The following UGT1A9 variants were observed in gnomAD, a reference collection of about 807,000 sequenced individuals.
UGT1A9 encodes the protein UDP glucuronosyltransferase family 1 member A9.
UGT1A9 carries 35 observed loss-of-function variants against 45.0 expected under a neutral mutation model. The observed-to-expected ratio is 0.78, with a 90% CI of 0.59 to 1.03. The LOEUF is 1.03. Ranked by LOEUF, UGT1A9 falls within the 50% of genes least tolerant of loss-of-function variation. The pLI is 0.00. For synonymous variants in UGT1A9, 278 were observed against 250.6 expected, an observed-to-expected ratio of 1.11 and a Z score of -1.03; for missense variants, 687 against 666.6, an observed-to-expected ratio of 1.03 and a Z score of -0.34.
chr2:233,729,412 C>T, intron 1 of UGT1A9: 2 of 1,613,700 alleles, frequency 1.2e-6, no homozygotes, highest in Non-Finnish European at 1.7e-6. Flanking sequence ...TGTGCTGGGC[C>T]ACACTCAACT....
chr2:233,746,554 C>T (rs567530423), intron 1 of UGT1A9, among the ~76,000 whole-genome samples: 1 of 151,860 alleles, frequency 6.6e-6, no homozygotes, highest in South Asian at 2.1e-4. Flanking sequence ...ACTTCTTAGC[C>T]CCTAGAGCAC....
At chr2:233,702,369 G>T (rs116955810) in intron 1 of UGT1A9, among the ~76,000 whole-genome samples, 2 of 151,858 alleles carry the variant, frequency 1.3e-5, no homozygotes, top group African/African-American at 2.4e-5. Flanking sequence ...AGTGGATTTC[G>T]TAGGATTTTC....
intron 1 of UGT1A9, among the ~76,000 whole-genome samples, chr2:233,673,558 T>C (rs976174628): frequency 1.3e-5 from 2 of 152,052 alleles, no homozygotes; most frequent in African/African-American, 4.8e-5. Flanking sequence ...TGGCATTTTT[T>C]TGCTATTGTG....
In UGT1A9 at chr2:233,769,399, A is replaced by G. The variant is rs1699854887; in HGVS notation, c.1295+960A>G. The G allele has an allele frequency of 1.7e-6, 2 of 1,170,288 alleles. No homozygotes were observed. Among genetic ancestry groups the G allele is most frequent in the Non-Finnish European group, 2.5e-6 (2 of 810,196 alleles). 72.5% of individuals were successfully genotyped at this position (1,170,288 alleles called of 1,614,324 possible). A position where few individuals can be genotyped will look rare whatever the true frequency, so the allele number is the denominator to read the frequency against. On this transcript the variant is annotated intron_variant, in intron 4 of 4. Transcript: ENST00000354728. This position sits in a 1 kb window ranked among gnomAD's most constrained non-coding sequence, Gnocchi z 4.4. ...ATCCGACAATAGATACTGTGTGCAT[A>G]TGTGCGTGTGCGTTTGTGCATGTGG...
chr2:233,738,126 G>C (rs1690706734), intron 1 of UGT1A9, among the ~76,000 whole-genome samples: 1 of 152,046 alleles, frequency 6.6e-6, no homozygotes, highest in Non-Finnish European at 1.5e-5. Flanking sequence ...TTTTATAAGG[G>C]GCCCTTATCC....
chr2:233,726,607 G>C (rs2077545440), intron 1 of UGT1A9, among the ~76,000 whole-genome samples: 1 of 152,126 alleles, frequency 6.6e-6, no homozygotes, highest in Non-Finnish European at 1.5e-5. Context: ...TGATTACACT[G>C]TCCTGCCCAG....
At chr2:233,745,472 G>A (rs1454081365) in intron 1 of UGT1A9, among the ~76,000 whole-genome samples, 1 of 151,704 alleles carries the variant, frequency 6.6e-6, no homozygotes, top group Non-Finnish European at 1.5e-5. Context: ...AGGGGAAAAT[G>A]ATTAACCAAA....
chr2:233,740,463 A>G (rs1427389799), intron 1 of UGT1A9, among the ~76,000 whole-genome samples: 2 of 151,964 alleles, frequency 1.3e-5, no homozygotes, highest in Non-Finnish European at 2.9e-5. Context: ...AAGATGATGG[A>G]CAGAAAGGAT....
At chr2:233,716,708 A>G (rs545816882) in intron 1 of UGT1A9, among the ~76,000 whole-genome samples, 1 of 152,306 alleles carries the variant, frequency 6.6e-6, no homozygotes, top group South Asian at 2.1e-4. Flanking sequence ...TAAAAACACT[A>G]AAGAGTTCCA....
intron 1 of UGT1A9, among the ~76,000 whole-genome samples, chr2:233,733,461 T>C (rs1181074493): frequency 2.0e-5 from 3 of 152,224 alleles, no homozygotes. Flanking sequence ...TAAATAGCTC[T>C]TATTATTTTG....
At chr2:233,714,940 G>A (rs1254793883) in intron 1 of UGT1A9, among the ~76,000 whole-genome samples, 1 of 152,148 alleles carries the variant, frequency 6.6e-6, no homozygotes, top group Admixed American at 6.5e-5. Flanking sequence ...GCAGTGGTGG[G>A]ATCTTGGCTC....
chr2:233,719,411 A>G, intron 1 of UGT1A9: 1 of 1,613,946 alleles, frequency 6.2e-7, no homozygotes. Context: ...TTCCTAAGTT[A>G]CTAACGACCA....
At chr2:233,676,139 C>G (rs117461187) in intron 1 of UGT1A9, among the ~76,000 whole-genome samples, 1 of 152,138 alleles carries the variant, frequency 6.6e-6, no homozygotes, top group East Asian at 1.9e-4. Context: ...GGTCCTTGAG[C>G]TCCAGCGTCA....
rs1029804751 is a variant in UGT1A9, at chr2:233,760,707, G to A, written c.856-6327G>A. ...ACAACAAGGAGCTCATGGCCTCCCT[G>A]GCAGAAAGCAGCTTTGATGTCATGC... On this transcript the variant is annotated intron_variant, in intron 1 of 4. Transcript: ENST00000354728. 6.8e-6 allele frequency: 11 copies of A among 1,614,064 alleles called. No individual in the cohort carries two copies. The East Asian group carries it at 8.9e-5, about 13-fold the overall frequency.
chr2:233,769,853 G>T lies in UGT1A9; in HGVS notation c.1295+1414G>T. On this transcript the variant is annotated intron_variant, in intron 4 of 4. Transcript: ENST00000354728. This position sits in a 1 kb window ranked among gnomAD's most constrained non-coding sequence, Gnocchi z 4.4. ...AACCTGGGCAACAGAGTGAGACCCT[G>T]TCTCAAAAAAAAAAAAAAAAATGAA... The T allele has an allele frequency of 4.6e-5, 18 of 388,562 alleles. No individual in the cohort carries two copies. The highest frequency in any genetic ancestry group is 9.6e-5 in the East Asian group (2 of 20,776). 24.1% of individuals were successfully genotyped at this position (388,562 alleles called of 1,614,324 possible).
chr2:233,769,515 T>A lies in UGT1A9; in HGVS notation c.1295+1076T>A. The A allele has an allele frequency of 6.2e-7, 1 of 1,612,854 alleles. No homozygotes were observed. Among genetic ancestry groups the A allele is most frequent in the Non-Finnish European group, 8.5e-7 (1 of 1,179,868 alleles). ...TGAGAGTGTCCATTGCTTTCTCCCA[T>A]GGTTACCTCCTTTAGAAAGAAGCAG... On this transcript the variant is annotated intron_variant, in intron 4 of 4. Coordinates refer to ENST00000354728, the MANE Select transcript of UGT1A9 (RefSeq NM_021027.3). This position sits in a 1 kb window ranked among gnomAD's most constrained non-coding sequence, Gnocchi z 4.4.
At chr2:233,755,059 C>G (rs773771831) in intron 1 of UGT1A9, 6 of 1,335,122 alleles carry the variant, frequency 4.5e-6, no homozygotes, top group Admixed American at 3.8e-5. Context: ...TCCGCCCTCG[C>G]CTCGCCATAG....
In UGT1A9 at chr2:233,769,855, CT is replaced by C; in HGVS notation, c.1295+1417del. 1 of 372,068 alleles carries C rather than the reference CT, an allele frequency of 2.7e-6. No individual in the cohort carries two copies. Among genetic ancestry groups the C allele is most frequent in the Non-Finnish European group, 4.4e-6 (1 of 226,688 alleles). The allele number at this position is 372,068 out of a possible 1,614,324, so 23.0% of individuals were successfully genotyped here. A position where few individuals can be genotyped will look rare whatever the true frequency, so the allele number is the denominator to read the frequency against. On this transcript the variant is annotated intron_variant, in intron 4 of 4. Coordinates refer to ENST00000354728, the MANE Select transcript of UGT1A9 (RefSeq NM_021027.3). This position sits in a 1 kb window ranked among gnomAD's most constrained non-coding sequence, Gnocchi z 4.4. ...CCTGGGCAACAGAGTGAGACCCTGT[CT>C]CAAAAAAAAAAAAAAAAATGAAAAG... is the stretch of plus-strand genomic sequence containing the variant.
At chr2:233,766,761 T>G (rs1575822555) in intron 1 of UGT1A9, among the ~76,000 whole-genome samples, 1 of 152,230 alleles carries the variant, frequency 6.6e-6, no homozygotes, top group African/African-American at 2.4e-5. Context: ...TGTGTGTGCA[T>G]GTACCTGTGC....
Sources: allele counts gnomAD v4.1 joint callset (sites outside exome capture counted in the v4.1 genomes callset), GRCh38; gene constraint gnomAD v4.1.1; non-coding constraint Gnocchi (gnomAD v3.1); transcripts MANE v1.5; gene names NCBI Gene and HGNC (gene_info 2026-07-23, HGNC 2026-07-21).